Variants in PPP2R2C observed in about 807,000 individuals in gnomAD.
PPP2R2C encodes protein phosphatase 2 regulatory subunit Bgamma, also known as protein phosphatase 2, regulatory subunit B, gamma.
A neutral mutation model predicts 45.3 loss-of-function variants in PPP2R2C; 10 were observed. The observed-to-expected ratio is 0.22, with a 90% CI of 0.14 to 0.37. The LOEUF (loss-of-function observed/expected upper bound fraction) is 0.37. PPP2R2C is among the 10% of genes least tolerant of loss of function. The pLI is 1.00. For synonymous variants in PPP2R2C, 257 were observed against 245.4 expected (o/e 1.05, Z -0.44); for missense variants, 308 against 619.7 (o/e 0.50, Z 5.34).
intron 2 of PPP2R2C, among the ~76,000 whole-genome samples, chr4:6,534,857 G>A (rs4689476): frequency 0.96 from 145,619 of 152,320 alleles, 69,953 homozygotes; most frequent in East Asian, 1. Context: ...GTGAGCCTCA[G>A]GAGTCACTGT....
At position 6,333,652 on chromosome 4, in the gene PPP2R2C, G is replaced by A. The variant is rs1732603318; in HGVS notation, c.870C>T (p.Ser290=). ...GGGTGAGCATGTAGCGGCCGCTGTGGCTGAACTTCACGTCGGACACGGAGG... is the reference window on the plus strand; with the variant it reads ...GGGTGAGCATGTAGCGGCCGCTGTGACTGAACTTCACGTCGGACACGGAGG... The part of the protein sequence containing the change: ...IISSVSDVKF[S]HSGRYMLTRD... Residue 290 remains serine, a synonymous_variant, in exon 7 of 9, where the codon AGC becomes AGT. Coordinates refer to ENST00000382599, the MANE Select transcript of PPP2R2C (RefSeq NM_020416.4). The A allele has an allele frequency of 8.1e-6, 13 of 1,614,062 alleles. No homozygotes were observed. Among genetic ancestry groups the A allele is most frequent in the Non-Finnish European group, 1.0e-5 (12 of 1,180,028 alleles).
chr4:6,428,490 G>A (rs1379930532), intron 1 of PPP2R2C, among the ~76,000 whole-genome samples: 3 of 152,176 alleles, frequency 2.0e-5, no homozygotes, highest in Non-Finnish European at 4.4e-5. Context: ...CTTTTTAGAG[G>A]GACAGGAGAC....
intron 1 of PPP2R2C, among the ~76,000 whole-genome samples, chr4:6,446,369 C>T (rs1720420100): frequency 6.6e-6 from 1 of 152,160 alleles, no homozygotes; most frequent in African/African-American, 2.4e-5. Flanking sequence ...CATCGAGGCT[C>T]ATTTTAACTC....
Position 6,328,919 on chromosome 4 carries a change from C to G in PPP2R2C, c.1052+343G>C, listed in dbSNP as rs189509134. Among the ~76,000 whole-genome samples, 3 of 57,734 alleles carry G rather than the reference C, an allele frequency of 5.2e-5. No individual in the cohort carries two copies. The highest frequency in any genetic ancestry group is 1.2e-4 in the Non-Finnish European group (3 of 24,634). 37.9% of individuals were successfully genotyped at this position (57,734 alleles called of 152,430 possible). On this transcript the variant is annotated intron_variant, in intron 8 of 8. Transcript: ENST00000382599. The surrounding 1 kb of genome is among the most constrained non-coding windows in gnomAD (Gnocchi z 4.4). The stretch of plus-strand genomic sequence containing the variant: ...ACAGGTGTGGATGGATGATGGTGAC[C>G]GGGTGCTGGGCTATAGCCCTCGCCC...
intron 2 of PPP2R2C, among the ~76,000 whole-genome samples, chr4:6,522,943 C>T (rs1724072262): frequency 6.6e-6 from 1 of 152,232 alleles, no homozygotes; most frequent in African/African-American, 2.4e-5. Flanking sequence ...GATGAGGAAG[C>T]TGAGGCAGGG....
chr4:6,399,824 C>A (rs16838721), intron 1 of PPP2R2C, among the ~76,000 whole-genome samples: 9,501 of 152,282 alleles, frequency 0.062, 670 homozygotes, highest in African/African-American at 0.16. Flanking sequence ...AGCCGACAGA[C>A]AGTCAAATGC....
chr4:6,511,837 A>T (rs866609393), intron 2 of PPP2R2C, among the ~76,000 whole-genome samples: 1 of 4,496 alleles, frequency 2.2e-4, no homozygotes, highest in African/African-American at 7.9e-4. Context: ...GGTGGTGGTG[A>T]TGGTGGTGGT....
chr4:6,416,696 G>C (rs765119927), intron 1 of PPP2R2C, among the ~76,000 whole-genome samples: 2 of 152,192 alleles, frequency 1.3e-5, no homozygotes, highest in African/African-American at 4.8e-5. Flanking sequence ...CCTCCAGCCC[G>C]GGACCACAGA....
chr4:6,527,408 C>T (rs992714362), intron 2 of PPP2R2C, among the ~76,000 whole-genome samples: 3 of 148,990 alleles, frequency 2.0e-5, no homozygotes, highest in African/African-American at 7.5e-5. Flanking sequence ...ACAGAACACC[C>T]CTCTCTCTTT....
chr4:6,411,249 G>A (rs1306939196), intron 1 of PPP2R2C, among the ~76,000 whole-genome samples: 2 of 152,162 alleles, frequency 1.3e-5, no homozygotes, highest in African/African-American at 4.8e-5. Flanking sequence ...CAGCCAGGAA[G>A]TGGTGGGGCC....
rs149906694 is a variant in PPP2R2C at position 6,438,598 on chromosome 4, T to C, written c.70+33562A>G. On this transcript the variant is annotated intron_variant, in intron 1 of 8. Coordinates refer to ENST00000382599, the MANE Select transcript of PPP2R2C (RefSeq NM_020416.4). The stretch of plus-strand genomic sequence containing the variant: ...CAGGAATTAATATGTTTTTCTTTCA[T>C]TGTGCCAGATTTTTCTAAAACTTAA... Among the ~76,000 whole-genome samples, 126 of 152,380 alleles carry C rather than the reference T, an allele frequency of 8.3e-4. 1 individual carries two copies. Among genetic ancestry groups the C allele is most frequent in the African/African-American group, 2.8e-3 (117 of 41,582 alleles).
chr4:6,519,438 C>T (rs758914720), intron 2 of PPP2R2C, among the ~76,000 whole-genome samples: 7 of 152,184 alleles, frequency 4.6e-5, no homozygotes. Flanking sequence ...CCAGGCCCCA[C>T]GGGACAGGCC....
At chr4:6,363,692 A>T (rs988611910) in intron 5 of PPP2R2C, among the ~76,000 whole-genome samples, 2 of 152,182 alleles carry the variant, frequency 1.3e-5, no homozygotes, top group African/African-American at 4.8e-5. Context: ...CCTGGCTGTT[A>T]CAAGCTGTGT....
rs372600400 is a variant in PPP2R2C, at chr4:6,417,198, C to T, written c.71-36104G>A. On this transcript the variant is annotated intron_variant, in intron 1 of 8. Coordinates refer to ENST00000382599, the MANE Select transcript of PPP2R2C (RefSeq NM_020416.4). Reference sequence around the variant, plus strand: ...AGGGGGATGCCATTTACCAGACCCCCTTGCAGACCCCACGAGGAGGAGGGA... The same window carrying T: ...AGGGGGATGCCATTTACCAGACCCCTTTGCAGACCCCACGAGGAGGAGGGA... Among the ~76,000 whole-genome samples, 98 of 152,234 alleles carry T rather than the reference C, an allele frequency of 6.4e-4. 2 individuals are homozygous for T. In the South Asian group the frequency reaches 0.019, roughly 30 times the overall value.
chr4:6,437,750 T>C (rs917694224), intron 1 of PPP2R2C, among the ~76,000 whole-genome samples: 2 of 152,236 alleles, frequency 1.3e-5, no homozygotes. Context: ...ACTCAAATTG[T>C]GAAAAGAAAT....
chr4:6,365,084 T>C (rs1714165596), intron 5 of PPP2R2C, among the ~76,000 whole-genome samples: 1 of 152,094 alleles, frequency 6.6e-6, no homozygotes, highest in African/African-American at 2.4e-5. Context: ...CATCACCTCT[T>C]TTGGGCAGCA....
intron 5 of PPP2R2C, among the ~76,000 whole-genome samples, chr4:6,353,563 C>T (rs1440417248): frequency 1.6e-3 from 6 of 3,644 alleles, no homozygotes; most frequent in Non-Finnish European, 2.3e-3. Flanking sequence ...TGACAGCCCC[C>T]CACACCGACA....
chr4:6,345,650 C>G lies in PPP2R2C; in HGVS notation c.790+2196G>C, dbSNP rs80069074. On this transcript the variant is annotated intron_variant, in intron 6 of 8. Transcript: ENST00000382599. This position sits in a 1 kb window ranked among gnomAD's most constrained non-coding sequence, Gnocchi z 5.3. ...TAGAAGCCAGAAGAGGCAGGGAAAA[C>G]GGTGCTCCCCAGAGCCTCCCGAAGG... 6.6e-6 allele frequency among the ~76,000 whole-genome samples: 1 copy of G among 152,154 alleles called. No homozygotes were observed. The highest frequency in any genetic ancestry group is 2.1e-4 in the South Asian group (1 of 4,820).
At chr4:6,348,104 G>T in intron 5 of PPP2R2C, 94 bp from the exon 6 acceptor site, 1 of 1,422,198 alleles carries the variant, frequency 7.0e-7, no homozygotes, top group Non-Finnish European at 9.7e-7. Flanking sequence ...AGGCAAAACC[G>T]TCCACCCTCG....
Sources: allele counts gnomAD v4.1 joint callset (sites outside exome capture counted in the v4.1 genomes callset), GRCh38; gene constraint gnomAD v4.1.1; non-coding constraint Gnocchi (gnomAD v3.1); transcripts MANE v1.5; gene names NCBI Gene and HGNC (gene_info 2026-07-23, HGNC 2026-07-21).